ABCB4: variants seen among roughly 807,000 people sequenced by gnomAD.
ABCB4 encodes the protein ATP binding cassette subfamily B member 4, also known as phosphatidylcholine translocator ABCB4.
A neutral mutation model predicts 145.7 loss-of-function variants in ABCB4; 76 were observed. The observed-to-expected ratio is 0.52, with a 90% CI of 0.43 to 0.63. The LOEUF is 0.63. Ranked by LOEUF, ABCB4 falls within the 30% of genes least tolerant of loss-of-function variation. The pLI, the probability that ABCB4 is intolerant of heterozygous loss-of-function variation, is 0.00. For missense variants in ABCB4, 1,234 were observed against 1,553.1 expected, an observed-to-expected ratio of 0.79 and a Z score of 3.45; for synonymous variants, 517 against 566.8, an observed-to-expected ratio of 0.91 and a Z score of 1.25.
chr7:87,368,205 A>G, the ABCB4 span, among the ~76,000 whole-genome samples: 1 of 152,166 alleles, frequency 6.6e-6, no homozygotes, highest in Admixed American at 6.6e-5. Flanking sequence ...TACATGGCGT[A>G]CTTTCTCACT....
chr7:87,468,602 T>C (rs139485873), intron 3 of ABCB4, among the ~76,000 whole-genome samples: 2,922 of 152,228 alleles, frequency 0.019, 92 homozygotes, highest in African/African-American at 0.067. Flanking sequence ...TTTAGACCAA[T>C]ATCCCTGACG....
the ABCB4 span, chr7:87,375,714 C>T: frequency 6.8e-6 from 11 of 1,613,218 alleles, no homozygotes; most frequent in African/African-American, 8.0e-5. Flanking sequence ...GGAGCGAACT[C>T]GATGGGCTAA....
chr7:87,366,147 A>C, the ABCB4 span, among the ~76,000 whole-genome samples: 3 of 152,124 alleles, frequency 2.0e-5, no homozygotes, highest in Non-Finnish European at 4.4e-5. Context: ...CGATCAGCAA[A>C]ATCCATTATA....
At chr7:87,424,133 T>G (rs1584709519) in intron 16 of ABCB4, 81 bp from the exon 17 acceptor site, 1 of 1,594,314 alleles carries the variant, frequency 6.3e-7, no homozygotes, top group East Asian at 2.2e-5. Context: ...GGCATGGCCA[T>G]TGCCCTCAAG....
intron 25 of ABCB4, 54 bp downstream of exon 25, chr7:87,407,983 G>T (rs1032368464): frequency 1.2e-6 from 2 of 1,600,194 alleles, no homozygotes; most frequent in Non-Finnish European, 1.7e-6. Context: ...TGACAATATT[G>T]GTTGGGCCAA....
rs1341729953 is a variant in ABCB4 at position 87,417,213 on chromosome 7, C to T, written c.2682+99G>A. ...AATTATTAGTTGTAGTGGGCACAAACATTTAATTATTAAAGCCTGCATATC... is the reference window on the plus strand; with the variant it reads ...AATTATTAGTTGTAGTGGGCACAAATATTTAATTATTAAAGCCTGCATATC... On this transcript the variant is annotated intron_variant, in intron 21 of 27. Coordinates refer to ENST00000649586, the MANE Select transcript of ABCB4 (RefSeq NM_000443.4). 1.3e-5 allele frequency: 15 copies of T among 1,156,018 alleles called. No homozygotes were observed. In the Admixed American group the frequency reaches 2.6e-4, roughly 20 times the overall value. 71.6% of individuals were successfully genotyped at this position (1,156,018 alleles called of 1,614,324 possible).
At chr7:87,443,191 G>A in intron 12 of ABCB4, 128 bp downstream of exon 12, 1 of 1,177,540 alleles carries the variant, frequency 8.5e-7, no homozygotes, top group South Asian at 1.2e-5. Context: ...TTATCCATCG[G>A]CATTGCCATT....
chr7:87,421,504 A>G (rs937314582), intron 18 of ABCB4, among the ~76,000 whole-genome samples: 1 of 152,230 alleles, frequency 6.6e-6, no homozygotes, highest in Non-Finnish European at 1.5e-5. Context: ...TTACTTTGCC[A>G]TTGGTTCAAC....
intron 4 of ABCB4, among the ~76,000 whole-genome samples, chr7:87,460,006 GTTTC>G (rs1300137009): frequency 6.6e-6 from 1 of 152,100 alleles, no homozygotes; most frequent in Non-Finnish European, 1.5e-5. Flanking sequence ...CGTCTTTGTA[GTTTC>G]TTTGATTTTT....
intron 8 of ABCB4, among the ~76,000 whole-genome samples, chr7:87,447,555 A>G (rs1424718571): frequency 6.6e-6 from 1 of 152,226 alleles, no homozygotes; most frequent in Admixed American, 6.5e-5. Context: ...AATGAGAGAA[A>G]CCAAGCCAAA....
chr7:87,474,096 C>A (rs776146841), intron 2 of ABCB4, among the ~76,000 whole-genome samples: 19 of 152,176 alleles, frequency 1.2e-4, no homozygotes, highest in Admixed American at 1.2e-3. Flanking sequence ...TTTCTTCTTT[C>A]CAGCAGAAGC....
At chr7:87,438,881 G>A (rs1015998900) in intron 14 of ABCB4, among the ~76,000 whole-genome samples, 3 of 152,134 alleles carry the variant, frequency 2.0e-5, no homozygotes, top group South Asian at 2.1e-4. Flanking sequence ...AATAAGGTTC[G>A]TGCAGCTTGT....
In ABCB4 at chr7:87,440,496, C is replaced by T; in HGVS notation, c.1357-94G>A. ...GAAAAACATCCTACCTAATATTTAA[C>T]TTGGTTCAGTGTTTAGAAATAATAA... On this transcript the variant is annotated intron_variant, in intron 12 of 27. Coordinates refer to ENST00000649586, the MANE Select transcript of ABCB4 (RefSeq NM_000443.4). 3.7e-6 allele frequency: 4 copies of T among 1,077,746 alleles called. No homozygotes were observed. In the South Asian group the frequency reaches 4.3e-5, roughly 12 times the overall value. The allele number at this position is 1,077,746 out of a possible 1,614,324, so 66.8% of individuals were successfully genotyped here. A position where few individuals can be genotyped will look rare whatever the true frequency, so the allele number is the denominator to read the frequency against.
At chr7:87,380,888 G>A in the ABCB4 span, among the ~76,000 whole-genome samples, 131,653 of 152,234 alleles carry the variant, frequency 0.86, 57,112 homozygotes, top group Middle Eastern at 0.94. Flanking sequence ...TAGAAAATGG[G>A]TTTGTCAGCG....
chr7:87,461,705 A>G (rs986015540), intron 4 of ABCB4, among the ~76,000 whole-genome samples: 11 of 152,236 alleles, frequency 7.2e-5, no homozygotes, highest in African/African-American at 2.7e-4. Context: ...TTAAATATTC[A>G]AAGGATGCTT....
the ABCB4 span, among the ~76,000 whole-genome samples, chr7:87,372,713 CTT>C: frequency 6.6e-6 from 1 of 152,034 alleles, no homozygotes; most frequent in African/African-American, 2.4e-5. Flanking sequence ...AACATGTAGC[CTT>C]TTGTGTGTAG....
Position 87,402,010 on chromosome 7 carries a change from G to A in ABCB4, c.*86C>T. 1.3e-6 allele frequency: 2 copies of A among 1,537,338 alleles called. No individual in the cohort carries two copies. Among genetic ancestry groups the A allele is most frequent in the Non-Finnish European group, 1.8e-6 (2 of 1,125,408 alleles). On this transcript the variant is annotated 3_prime_UTR_variant, in exon 28 of 28. Coordinates refer to ENST00000649586, the MANE Select transcript of ABCB4 (RefSeq NM_000443.4). Reference sequence around the variant, plus strand: ...TGAGACAGACATACCTATGTTTTATGATGACAAACCAGAAACTTATTTTAC... The same window carrying A: ...TGAGACAGACATACCTATGTTTTATAATGACAAACCAGAAACTTATTTTAC...
chr7:87,371,392 G>A, the ABCB4 span, among the ~76,000 whole-genome samples: 12 of 152,086 alleles, frequency 7.9e-5, no homozygotes, highest in African/African-American at 2.9e-4. Flanking sequence ...CTATTACATA[G>A]AATTCCATCA....
chr7:87,432,017 T>G (rs1429721157), intron 14 of ABCB4, among the ~76,000 whole-genome samples: 1 of 152,180 alleles, frequency 6.6e-6, no homozygotes, highest in African/African-American at 2.4e-5. Flanking sequence ...CTAATTCTGA[T>G]GAACTGAAAG....
Sources: gnomAD v4.1 joint callset for allele counts (sites outside exome capture counted in the v4.1 genomes callset) on GRCh38, gnomAD v4.1.1 for gene constraint, MANE v1.5 for transcripts, NCBI Gene and HGNC (gene_info 2026-07-23, HGNC 2026-07-21) for gene names.